EXOC6: variants seen among roughly 807,000 people sequenced by gnomAD.
The protein encoded by EXOC6 is SEC15-like 1.
EXOC6 carries 60 observed loss-of-function variants against 112.5 expected under a neutral mutation model. That is an observed-to-expected ratio of 0.53 (90% CI 0.43 to 0.66). The LOEUF (loss-of-function observed/expected upper bound fraction) is 0.66, where lower values mean the gene tolerates loss of function less well. Ranked by LOEUF, EXOC6 falls within the 30% of genes least tolerant of loss-of-function variation. EXOC6 has a pLI of 0.00. For missense variants in EXOC6, 855 were observed against 957.1 expected (o/e 0.89, Z 1.41); for synonymous variants, 295 against 308.0 (o/e 0.96, Z 0.44).
intron 4 of EXOC6, among the ~76,000 whole-genome samples, chr10:92,896,169 ATATATATATATATTTTT>A (rs1849788508): frequency 4.1e-5 from 1 of 24,592 alleles, no homozygotes; most frequent in African/African-American, 2.1e-4. Flanking sequence ...ATATATATAT[ATATATATATATATTTTT>A]TTTTTTTTTT....
intron 1 of EXOC6, among the ~76,000 whole-genome samples, chr10:92,850,515 T>C (rs1255735175): frequency 1.3e-5 from 2 of 151,754 alleles, no homozygotes; most frequent in Non-Finnish European, 2.9e-5. Flanking sequence ...ATTTTTTCCC[T>C]TTTTTTTCAG....
At chr10:92,837,920 A>T (rs189288874) in intron 1 of EXOC6, among the ~76,000 whole-genome samples, 94 of 152,186 alleles carry the variant, frequency 6.2e-4, no homozygotes, top group African/African-American at 2.2e-3. Context: ...GAAAAAAGGC[A>T]TTGCTTTGGC....
At chr10:93,002,180 CTA>C (rs1034135436) in intron 19 of EXOC6, among the ~76,000 whole-genome samples, 8 of 151,888 alleles carry the variant, frequency 5.3e-5, no homozygotes, top group Middle Eastern at 3.4e-3. Context: ...TTTTCTTATC[CTA>C]TATATATATG....
At chr10:92,955,356 T>C (rs76191719) in intron 16 of EXOC6, among the ~76,000 whole-genome samples, 1,612 of 151,628 alleles carry the variant, frequency 0.011, 34 homozygotes, top group African/African-American at 0.037. Context: ...AAATAACTGG[T>C]ATTTAGACTC....
intron 1 of EXOC6, among the ~76,000 whole-genome samples, chr10:92,869,871 CAG>C (rs763729505): frequency 3.8e-4 from 58 of 151,316 alleles, no homozygotes; most frequent in African/African-American, 1.3e-3. Context: ...GTGGTTGAGA[CAG>C]GGGGCATCTT....
chr10:92,976,376 G>A (rs527368420), intron 18 of EXOC6, among the ~76,000 whole-genome samples: 2 of 152,178 alleles, frequency 1.3e-5, no homozygotes, highest in East Asian at 3.9e-4. Flanking sequence ...CCAACCCTGT[G>A]CTCTCTGAAA....
intron 20 of EXOC6, among the ~76,000 whole-genome samples, chr10:93,055,029 G>A (rs1309330795): frequency 1.3e-5 from 2 of 151,894 alleles, no homozygotes; most frequent in Non-Finnish European, 2.9e-5. Flanking sequence ...TATTTTAGAG[G>A]TGAAGTCTCA....
chr10:92,849,394 T>C (rs572820064), intron 1 of EXOC6, among the ~76,000 whole-genome samples: 1 of 152,324 alleles, frequency 6.6e-6, no homozygotes, highest in East Asian at 1.9e-4. Flanking sequence ...ATTTTAAGAA[T>C]AGTACTAGGT....
chr10:93,018,231 C>T (rs1001607982), intron 20 of EXOC6, among the ~76,000 whole-genome samples: 13 of 151,612 alleles, frequency 8.6e-5, no homozygotes, highest in Non-Finnish European at 1.8e-4. Flanking sequence ...TTGAGATAAT[C>T]AGGGAAATAT....
At chr10:92,845,696 T>C (rs532512524), upstream of EXOC6, among the ~76,000 whole-genome samples, 2 of 151,982 alleles carry the variant, frequency 1.3e-5, no homozygotes, top group South Asian at 4.2e-4. Flanking sequence ...CCCAACACTT[T>C]AGGAGGCCGA....
chr10:92,984,344 T>C (rs916723222), intron 18 of EXOC6, among the ~76,000 whole-genome samples: 12 of 152,168 alleles, frequency 7.9e-5, no homozygotes, highest in African/African-American at 2.9e-4. Flanking sequence ...GTGTTCTAAT[T>C]TCCTTTCCTT....
At position 92,876,070 on chromosome 10, in the gene EXOC6, A is replaced by G. The variant is rs548803428; in HGVS notation, c.102-17279A>G. Among the ~76,000 whole-genome samples the G allele has an allele frequency of 1.1e-3, 173 of 152,250 alleles. 1 individual carries two copies. Among genetic ancestry groups the G allele is most frequent in the African/African-American group, 3.8e-3 (160 of 41,570 alleles). ...TTTGAATTTAATATTGACAATGCCTATTATAATGTTATAAGTACTCTGTAA... is the reference window on the plus strand; with the variant it reads ...TTTGAATTTAATATTGACAATGCCTGTTATAATGTTATAAGTACTCTGTAA... On this transcript the variant is annotated intron_variant, in intron 1 of 21. Transcript: ENST00000260762.
chr10:93,024,198 G>A (rs1844914215), intron 20 of EXOC6, among the ~76,000 whole-genome samples: 1 of 152,142 alleles, frequency 6.6e-6, no homozygotes, highest in Non-Finnish European at 1.5e-5. Flanking sequence ...AAAATATGGA[G>A]AAGTTTAGGT....
chr10:92,922,249 A>G lies in EXOC6; in HGVS notation c.888+2199A>G, dbSNP rs142896355. ...GCATGAGCCACCGTGGCCGGCCACT[A>G]ATTTCTTATTATTGTTACAACTCTT... is the stretch of plus-strand genomic sequence containing the variant. On this transcript the variant is annotated intron_variant, in intron 8 of 21. Transcript: ENST00000260762. Among the ~76,000 whole-genome samples, 1,019 of 152,076 alleles carry G rather than the reference A, an allele frequency of 6.7e-3. 11 individuals are homozygous for G. Among genetic ancestry groups the G allele is most frequent in the Admixed American group, 0.011 (161 of 15,280 alleles).
intron 1 of EXOC6, among the ~76,000 whole-genome samples, chr10:92,880,264 T>C (rs1468418790): frequency 1.3e-5 from 2 of 152,214 alleles, no homozygotes; most frequent in African/African-American, 4.8e-5. Flanking sequence ...GTAAATGCCA[T>C]GTAAATAGTG....
At chr10:93,027,405 A>C (rs1325912825) in intron 20 of EXOC6, among the ~76,000 whole-genome samples, 1 of 152,254 alleles carries the variant, frequency 6.6e-6, no homozygotes, top group East Asian at 1.9e-4. Context: ...GGCTACACTA[A>C]GCAAGAGATT....
chr10:92,827,315 AG>A (rs1846400555), intron 1 of EXOC6, among the ~76,000 whole-genome samples: 1 of 151,606 alleles, frequency 6.6e-6, no homozygotes, highest in African/African-American at 2.4e-5. Context: ...CTCTACAAAA[AG>A]TACAAAAACT....
At chr10:92,999,240 T>TTA (rs1564898810) in intron 19 of EXOC6, 2 of 403,508 alleles carry the variant, frequency 5.0e-6, no homozygotes, top group Non-Finnish European at 4.8e-6. Flanking sequence ...TTTTTTTTTT[T>TTA]AAATTACAGA....
At chr10:92,864,894 G>A (rs555928643) in intron 1 of EXOC6, among the ~76,000 whole-genome samples, 1 of 152,032 alleles carries the variant, frequency 6.6e-6, no homozygotes, top group Non-Finnish European at 1.5e-5. Flanking sequence ...TTTCATAATG[G>A]TGTGAGCCCA....
Sources: allele counts gnomAD v4.1 joint callset (sites outside exome capture counted in the v4.1 genomes callset), GRCh38; gene constraint gnomAD v4.1.1; transcripts MANE v1.5; gene names NCBI Gene and HGNC (gene_info 2026-07-23, HGNC 2026-07-21).